Variants in ROBO1 observed in about 807,000 individuals in gnomAD.
The protein encoded by ROBO1 is roundabout guidance receptor 1, also known as roundabout homolog 1.
In ROBO1, 149 loss-of-function variants were observed where a neutral mutation model predicts 195.9. The observed-to-expected ratio is 0.76, with a 90% CI of 0.67 to 0.87. The LOEUF (loss-of-function observed/expected upper bound fraction) is 0.87. ROBO1 is among the 40% of genes least tolerant of loss of function. The pLI is 0.00. For missense variants in ROBO1, 1,933 were observed against 2,068.3 expected, an observed-to-expected ratio of 0.93 and a Z score of 1.27; for synonymous variants, 816 against 733.2, an observed-to-expected ratio of 1.11 and a Z score of -1.82.
rs1706670950 is a variant in ROBO1, at chr3:78,651,719, G to A, written c.2812+13C>T. 2.6e-6 allele frequency: 4 copies of A among 1,537,200 alleles called. No homozygotes were observed. Among genetic ancestry groups the A allele is most frequent in the East Asian group, 4.7e-5 (2 of 42,532 alleles). ...TAAACATTAAAATATGAAAACCTTGGGAAAGCTAATACCTTTTCTGATACC... is the reference window on the plus strand; with the variant it reads ...TAAACATTAAAATATGAAAACCTTGAGAAAGCTAATACCTTTTCTGATACC... On this transcript the variant is annotated intron_variant, in intron 19 of 30. Transcript: ENST00000464233.
intron 1 of ROBO1, among the ~76,000 whole-genome samples, chr3:79,642,295 C>A (rs952180455): frequency 7.9e-5 from 12 of 151,904 alleles, no homozygotes; most frequent in Non-Finnish European, 1.3e-4. Flanking sequence ...TTCAAATGAC[C>A]AAATATAAGA....
intron 2 of ROBO1, among the ~76,000 whole-genome samples, chr3:79,471,048 T>C (rs1444615826): frequency 6.6e-6 from 1 of 152,096 alleles, no homozygotes; most frequent in Non-Finnish European, 1.5e-5. Context: ...AGAACACACA[T>C]TTGGGAAAGA....
Position 78,815,851 on chromosome 3 carries a change from G to A in ROBO1, c.500-68951C>T, listed in dbSNP as rs537457936. On this transcript the variant is annotated intron_variant, in intron 4 of 30. Transcript: ENST00000464233. ...CTTCCTCCAATGAAGTTTTAAACCC[G>A]TCAGTGTCATTCATGAGGGTTGAAA... is the stretch of plus-strand genomic sequence containing the variant. Among the ~76,000 whole-genome samples, 9 of 152,050 alleles carry A rather than the reference G, an allele frequency of 5.9e-5. No homozygotes were observed. The East Asian group carries it at 7.7e-4, about 13-fold the overall frequency.
At chr3:79,335,260 C>T (rs1039319017) in intron 2 of ROBO1, among the ~76,000 whole-genome samples, 8 of 152,022 alleles carry the variant, frequency 5.3e-5, no homozygotes, top group Non-Finnish European at 7.4e-5. Context: ...ATTTATATAG[C>T]GTATCAGAGA....
intron 4 of ROBO1, among the ~76,000 whole-genome samples, chr3:78,816,566 G>A (rs981037822): frequency 6.6e-6 from 1 of 152,094 alleles, no homozygotes; most frequent in Non-Finnish European, 1.5e-5. Context: ...AATAGAAAAC[G>A]TTCTGGAAAG....
chr3:79,206,882 A>G (rs553397940), intron 2 of ROBO1, among the ~76,000 whole-genome samples: 9 of 152,306 alleles, frequency 5.9e-5, no homozygotes, highest in African/African-American at 2.2e-4. Context: ...CATTAGCTGC[A>G]TATTTAAAAT....
intron 2 of ROBO1, among the ~76,000 whole-genome samples, chr3:79,323,159 G>A (rs1410758609): frequency 1.3e-5 from 2 of 150,994 alleles, no homozygotes; most frequent in Non-Finnish European, 2.9e-5. Context: ...GCAGCTCACT[G>A]CAACCTCTGC....
Position 79,058,745 on chromosome 3 carries a change from A to T in ROBO1, c.172+66711T>A, listed in dbSNP as rs535199571. On this transcript the variant is annotated intron_variant, in intron 3 of 30. Coordinates refer to ENST00000464233, the MANE Select transcript of ROBO1 (RefSeq NM_002941.4). ...TCAAGAAAAGTGTAATGCTGGTTCG[A>T]GCTTGAGAAGGAATCTGGATTCCGG... Among the ~76,000 whole-genome samples the T allele has an allele frequency of 7.2e-5, 11 of 152,220 alleles. No homozygotes were observed. The South Asian group carries it at 1.9e-3, about 26-fold the overall frequency.
At chr3:78,633,706 T>G (rs1705316557) in intron 24 of ROBO1, among the ~76,000 whole-genome samples, 1 of 152,184 alleles carries the variant, frequency 6.6e-6, no homozygotes, top group South Asian at 2.1e-4. Context: ...TAAAGCTCAT[T>G]AACAAGGAAG....
intron 4 of ROBO1, among the ~76,000 whole-genome samples, chr3:78,916,785 C>T (rs193151698): frequency 1.3e-5 from 2 of 151,940 alleles, no homozygotes; most frequent in East Asian, 1.9e-4. Context: ...GCTTAGTTCA[C>T]GTGGGTAAGG....
At chr3:79,341,790 A>T (rs977399403) in intron 2 of ROBO1, among the ~76,000 whole-genome samples, 1 of 152,156 alleles carries the variant, frequency 6.6e-6, no homozygotes, top group Non-Finnish European at 1.5e-5. Context: ...ATTAGAGTAA[A>T]TCTTTGTTTT....
chr3:79,454,939 T>TA (rs2039567998), intron 2 of ROBO1, among the ~76,000 whole-genome samples: 1 of 152,136 alleles, frequency 6.6e-6, no homozygotes, highest in African/African-American at 2.4e-5. Flanking sequence ...GCTGAATAGA[T>TA]GCCCATAGGC....
At chr3:79,129,776 C>G (rs1309498999) in intron 2 of ROBO1, among the ~76,000 whole-genome samples, 1 of 152,092 alleles carries the variant, frequency 6.6e-6, no homozygotes, top group Non-Finnish European at 1.5e-5. Context: ...AATTGAGTGT[C>G]TTGCCTAGGT....
intron 1 of ROBO1, among the ~76,000 whole-genome samples, chr3:79,719,612 A>G (rs764252643): frequency 2.6e-5 from 4 of 152,154 alleles, no homozygotes; most frequent in Admixed American, 6.6e-5. Context: ...CTGGCAGCCA[A>G]AGGAATATAG....
chr3:79,536,932 TG>T (rs1473745773), intron 2 of ROBO1, among the ~76,000 whole-genome samples: 3 of 152,180 alleles, frequency 2.0e-5, no homozygotes. Context: ...AGGGTTGCTA[TG>T]GGATCTAGTG....
intron 5 of ROBO1, among the ~76,000 whole-genome samples, chr3:78,744,065 C>A (rs562529073): frequency 6.6e-6 from 1 of 152,238 alleles, no homozygotes; most frequent in East Asian, 1.9e-4. Flanking sequence ...ACTTGGATAT[C>A]CAATAAGCAT....
At chr3:79,239,343 T>C (rs1190920147) in intron 2 of ROBO1, among the ~76,000 whole-genome samples, 1 of 152,188 alleles carries the variant, frequency 6.6e-6, no homozygotes, top group Admixed American at 6.5e-5. Context: ...ATATATCACA[T>C]GAATGGATTA....
At chr3:79,544,910 C>G (rs189956797) in intron 2 of ROBO1, among the ~76,000 whole-genome samples, 1 of 152,020 alleles carries the variant, frequency 6.6e-6, no homozygotes, top group Admixed American at 6.6e-5. Context: ...ATAAAATATC[C>G]ATCCAACTTA....
chr3:78,865,136 A>ATATTTGAC (rs1284119568), intron 4 of ROBO1, among the ~76,000 whole-genome samples: 1 of 152,186 alleles, frequency 6.6e-6, no homozygotes, highest in Non-Finnish European at 1.5e-5. Context: ...GTATGTCTTC[A>ATATTTGAC]TATTTGACTT....
Sources: allele counts gnomAD v4.1 joint callset (sites outside exome capture counted in the v4.1 genomes callset), GRCh38; gene constraint gnomAD v4.1.1; transcripts MANE v1.5; gene names NCBI Gene and HGNC (gene_info 2026-07-23, HGNC 2026-07-21).